Variants in IL34 observed in about 807,000 individuals in gnomAD.
IL34 encodes the protein interleukin-34.
In IL34, 17 loss-of-function variants were observed where a neutral mutation model predicts 25.3. That is an observed-to-expected ratio of 0.67 (90% CI 0.46 to 1.01). The LOEUF (loss-of-function observed/expected upper bound fraction) is 1.01. IL34 is among the 50% of genes least tolerant of loss of function. The pLI, the probability that IL34 is intolerant of heterozygous loss-of-function variation, is 0.00. For synonymous variants in IL34, 174 were observed against 140.9 expected, an observed-to-expected ratio of 1.23 and a Z score of -1.66; for missense variants, 368 against 312.9, an observed-to-expected ratio of 1.18 and a Z score of -1.33.
In IL34 at chr16:70,593,666, G is replaced by T. The variant is rs111810555; in HGVS notation, c.-401+13617G>T. ...CGAGTAGCTGGGACTACAGGTGCAT[G>T]CCACCATGCTGGGCTATTTTTTTTG... On this transcript the variant is annotated intron_variant, in intron 1 of 6. Transcript: ENST00000429149. Among the ~76,000 whole-genome samples, 16 of 152,198 alleles carry T rather than the reference G, an allele frequency of 1.1e-4. 1 individual carries two copies. The highest frequency in any genetic ancestry group is 3.9e-4 in the African/African-American group (16 of 41,534).
chr16:70,642,049 T>C (rs1268277112), upstream of IL34, among the ~76,000 whole-genome samples: 1 of 152,120 alleles, frequency 6.6e-6, no homozygotes, highest in Non-Finnish European at 1.5e-5. Context: ...TGGCCTTCCA[T>C]AAAAAAATAC....
At chr16:70,627,448 C>T (rs2051420354) in intron 1 of IL34, among the ~76,000 whole-genome samples, 2 of 137,240 alleles carry the variant, frequency 1.5e-5, no homozygotes, top group Admixed American at 1.4e-4. Flanking sequence ...CCCTCCGCTC[C>T]CCTCCCCCTC....
chr16:70,645,584 G>T (rs1257528027), upstream of IL34, among the ~76,000 whole-genome samples: 1 of 152,146 alleles, frequency 6.6e-6, no homozygotes, highest in Non-Finnish European at 1.5e-5. Context: ...GCCCTGTGTG[G>T]TTGTCGAATT....
Position 70,589,560 on chromosome 16 carries a change from G to C in IL34, c.-401+9511G>C, listed in dbSNP as rs530446761. ...CAGCTCCATCCATGTTCCCATAAAA[G>C]ACATGATCTCATTCTTTTTTATAGA... On this transcript the variant is annotated intron_variant, in intron 1 of 6. Transcript: ENST00000429149. Among the ~76,000 whole-genome samples, 3 of 151,954 alleles carry C rather than the reference G, an allele frequency of 2.0e-5. No individual in the cohort carries two copies. In the South Asian group the frequency reaches 6.2e-4, roughly 32 times the overall value.
chr16:70,633,471 C>T (rs1026227375), intron 1 of IL34, among the ~76,000 whole-genome samples: 24 of 152,006 alleles, frequency 1.6e-4, no homozygotes, highest in Non-Finnish European at 2.2e-4. Flanking sequence ...CCCTATGTTG[C>T]CCAGTCTGGT....
chr16:70,583,425 G>A (rs2050656915), intron 1 of IL34, among the ~76,000 whole-genome samples: 2 of 152,092 alleles, frequency 1.3e-5, no homozygotes, highest in South Asian at 4.1e-4. Context: ...AGCAGGTTTT[G>A]AGATGCCTGT....
Position 70,660,424 on chromosome 16 carries a change from G to A in IL34, c.*237G>A. 4.3e-6 allele frequency: 2 copies of A among 464,802 alleles called. No individual in the cohort carries two copies. The highest frequency in any genetic ancestry group is 7.5e-6 in the Non-Finnish European group (2 of 266,058). 28.8% of individuals were successfully genotyped at this position (464,802 alleles called of 1,614,324 possible). ...ACCTGGGGACCTGAAGGTGGATGGG[G>A]ACACAGCTCCTGGCTTCTCCTGGTG... On this transcript the variant is annotated 3_prime_UTR_variant, in exon 6 of 6. Coordinates refer to ENST00000288098, the MANE Select transcript of IL34 (RefSeq NM_001393494.1).
chr16:70,590,972 G>A (rs1248001645), intron 1 of IL34, among the ~76,000 whole-genome samples: 3 of 152,166 alleles, frequency 2.0e-5, no homozygotes, highest in African/African-American at 4.8e-5. Context: ...CACTGTCAGC[G>A]CTGGCTGCTC....
chr16:70,625,386 G>A (rs1054260212), intron 1 of IL34, among the ~76,000 whole-genome samples: 1 of 152,054 alleles, frequency 6.6e-6, no homozygotes, highest in Non-Finnish European at 1.5e-5. Context: ...AGAGGTTGGG[G>A]TGCGGAAATA....
intron 1 of IL34, among the ~76,000 whole-genome samples, chr16:70,653,513 A>G (rs2052133271): frequency 6.6e-6 from 1 of 152,144 alleles, no homozygotes; most frequent in African/African-American, 2.4e-5. Flanking sequence ...AGTCTGGCCA[A>G]CATGGCGATA....
chr16:70,600,189 C>G (rs1428128848), intron 1 of IL34, among the ~76,000 whole-genome samples: 1 of 152,118 alleles, frequency 6.6e-6, no homozygotes, highest in Non-Finnish European at 1.5e-5. Context: ...TCCTATTTTC[C>G]ACCCTTCAGC....
At chr16:70,659,794 C>T (rs752393081) in intron 5 of IL34, 41 bp downstream of exon 5, 5 of 1,573,676 alleles carry the variant, frequency 3.2e-6, no homozygotes, top group Admixed American at 3.5e-5. Context: ...GGTGGGAGGC[C>T]AGGCATCTGG....
chr16:70,651,785 G>A (rs2052085972), intron 1 of IL34, among the ~76,000 whole-genome samples: 1 of 151,684 alleles, frequency 6.6e-6, no homozygotes, highest in Admixed American at 6.6e-5. Context: ...AAAGAGGATG[G>A]TTATTGCTTT....
chr16:70,618,576 C>A (rs1752187223), intron 1 of IL34, among the ~76,000 whole-genome samples: 1 of 152,152 alleles, frequency 6.6e-6, no homozygotes, highest in South Asian at 2.1e-4. Flanking sequence ...TGCACGCAGA[C>A]ATGAGGGCTA....
chr16:70,587,409 A>C (rs2050707500), intron 1 of IL34, among the ~76,000 whole-genome samples: 1 of 152,038 alleles, frequency 6.6e-6, no homozygotes, highest in African/African-American at 2.4e-5. Flanking sequence ...AGCTGGGACT[A>C]CAGACGCCCG....
intron 1 of IL34, among the ~76,000 whole-genome samples, chr16:70,594,947 CTCTCTCTCT>C (rs796564029): frequency 0.03 from 4,434 of 149,844 alleles, 236 homozygotes; most frequent in African/African-American, 0.11. Flanking sequence ...CTCTCTCTCT[CTCTCTCTCT>C]TTTTTTTTTT....
intron 1 of IL34, among the ~76,000 whole-genome samples, chr16:70,626,212 T>C (rs1353737252): frequency 6.6e-6 from 1 of 152,234 alleles, no homozygotes; most frequent in African/African-American, 2.4e-5. Flanking sequence ...CTTTTGTGCC[T>C]TTGATATAAA....
At chr16:70,616,884 C>T (rs897404156) in intron 1 of IL34, among the ~76,000 whole-genome samples, 3 of 152,164 alleles carry the variant, frequency 2.0e-5, no homozygotes, top group Non-Finnish European at 2.9e-5. Flanking sequence ...ACAGGGGATG[C>T]GATGGCTTGG....
intron 1 of IL34, among the ~76,000 whole-genome samples, chr16:70,634,050 C>A (rs1251945189): frequency 1.3e-5 from 2 of 151,688 alleles, no homozygotes; most frequent in Non-Finnish European, 2.9e-5. Context: ...GGGGTTTCAC[C>A]ATGTTGGCCA....
Sources: allele counts gnomAD v4.1 joint callset (sites outside exome capture counted in the v4.1 genomes callset), GRCh38; gene constraint gnomAD v4.1.1; transcripts MANE v1.5; gene names NCBI Gene and HGNC (gene_info 2026-07-23, HGNC 2026-07-21).